The following SLC39A11 variants were observed in gnomAD, a reference collection of about 807,000 sequenced individuals.
The protein encoded by SLC39A11 is zinc transporter ZIP11.
In SLC39A11, 33 loss-of-function variants were observed where a neutral mutation model predicts 36.1. That is an observed-to-expected ratio of 0.91 (90% CI 0.69 to 1.22). The LOEUF (loss-of-function observed/expected upper bound fraction) is 1.22. Ranked by LOEUF, SLC39A11 falls within the 50% of genes most tolerant of loss-of-function variation. The pLI is 0.00. For missense variants in SLC39A11, 432 were observed against 430.3 expected, an observed-to-expected ratio of 1.00 and a Z score of -0.03; for synonymous variants, 166 against 170.3, an observed-to-expected ratio of 0.97 and a Z score of 0.20.
At chr17:72,677,451 C>T (rs537100428) in intron 7 of SLC39A11, among the ~76,000 whole-genome samples, 2 of 152,280 alleles carry the variant, frequency 1.3e-5, no homozygotes, top group East Asian at 3.9e-4. Context: ...GAACCCAGAT[C>T]TCCTTTAGGA....
intron 6 of SLC39A11, among the ~76,000 whole-genome samples, chr17:72,809,199 TTCTCTCTCTCTC>T (rs66472539): frequency 0.057 from 5,786 of 102,304 alleles, 163 homozygotes; most frequent in Non-Finnish European, 0.11. Flanking sequence ...TTTCTTTTCT[TTCTCTCTCTCTC>T]TCTCTCTCTC....
At chr17:72,741,573 A>C (rs1257870749) in intron 6 of SLC39A11, among the ~76,000 whole-genome samples, 1 of 152,220 alleles carries the variant, frequency 6.6e-6, no homozygotes, top group Non-Finnish European at 1.5e-5. Flanking sequence ...CCCGAGGCAA[A>C]GAATCACAGA....
chr17:72,890,358 T>C (rs190285782), intron 5 of SLC39A11, among the ~76,000 whole-genome samples: 256 of 150,876 alleles, frequency 1.7e-3, no homozygotes, highest in African/African-American at 5.8e-3. Flanking sequence ...AAGTTATAAC[T>C]AGGGATTCAA....
At chr17:72,806,773 G>A (rs995012553) in intron 6 of SLC39A11, among the ~76,000 whole-genome samples, 1 of 152,146 alleles carries the variant, frequency 6.6e-6, no homozygotes, top group Non-Finnish European at 1.5e-5. Context: ...AGTAGAGACG[G>A]GGTTGTGCCA....
intron 5 of SLC39A11, among the ~76,000 whole-genome samples, chr17:72,884,595 G>A (rs1284459623): frequency 6.6e-6 from 1 of 152,196 alleles, no homozygotes; most frequent in Non-Finnish European, 1.5e-5. Flanking sequence ...AAACTATCAT[G>A]TTCAGTATCT....
intron 3 of SLC39A11, among the ~76,000 whole-genome samples, chr17:73,076,924 T>C (rs1009919521): frequency 2.6e-5 from 4 of 151,906 alleles, no homozygotes; most frequent in Admixed American, 2.6e-4. Flanking sequence ...GAGAGTCCTT[T>C]GTAGTTGTGA....
At chr17:73,049,830 A>G (rs2059434746) in intron 3 of SLC39A11, among the ~76,000 whole-genome samples, 1 of 152,178 alleles carries the variant, frequency 6.6e-6, no homozygotes, top group African/African-American at 2.4e-5. Flanking sequence ...CATGAAGGAA[A>G]TGAAATGAGG....
chr17:72,911,605 G>A (rs1454931485), intron 5 of SLC39A11, among the ~76,000 whole-genome samples: 1 of 151,942 alleles, frequency 6.6e-6, no homozygotes, highest in Non-Finnish European at 1.5e-5. Flanking sequence ...CCTAGGAGAG[G>A]CAGTCTGATT....
chr17:72,940,073 C>T (rs868403083), intron 5 of SLC39A11, among the ~76,000 whole-genome samples: 8 of 152,120 alleles, frequency 5.3e-5, no homozygotes, highest in Admixed American at 2.6e-4. Context: ...GTTGTGACAG[C>T]AACAGGAAAC....
Position 72,990,680 on chromosome 17 carries a change from G to A in SLC39A11, c.306+40876C>T, listed in dbSNP as rs563493921. ...TGACCTCAAGTGATTCACCTACCTC[G>A]GCCTCCCAAAGTGCTGGGATTACAG... is the stretch of plus-strand genomic sequence containing the variant. On this transcript the variant is annotated intron_variant, in intron 4 of 9. Coordinates refer to ENST00000255559, the MANE Select transcript of SLC39A11 (RefSeq NM_139177.4). 1.4e-3 allele frequency among the ~76,000 whole-genome samples: 206 copies of A among 152,144 alleles called. 6 individuals are homozygous for A. The South Asian group carries it at 0.039, about 29-fold the overall frequency.
At chr17:72,987,149 T>C (rs532545292) in intron 4 of SLC39A11, among the ~76,000 whole-genome samples, 1 of 152,290 alleles carries the variant, frequency 6.6e-6, no homozygotes, top group South Asian at 2.1e-4. Context: ...GCTAGTTCTT[T>C]TGCTCCTTCG....
At chr17:72,979,784 T>C (rs1172448387) in intron 4 of SLC39A11, among the ~76,000 whole-genome samples, 1 of 152,148 alleles carries the variant, frequency 6.6e-6, no homozygotes, top group African/African-American at 2.4e-5. Context: ...AGACCTCAGA[T>C]GATGCAGCTG....
chr17:73,013,315 T>C (rs957488989), intron 4 of SLC39A11, among the ~76,000 whole-genome samples: 1 of 24,044 alleles, frequency 4.2e-5, no homozygotes, highest in African/African-American at 4.5e-5. Flanking sequence ...CTCGAACTCC[T>C]GACCTCCGGC....
In SLC39A11 at chr17:72,698,931, C is replaced by T. The variant is rs1019486367; in HGVS notation, c.671+37719G>A. Among the ~76,000 whole-genome samples the T allele has an allele frequency of 3.9e-5, 6 of 152,200 alleles. No individual in the cohort carries two copies. In the South Asian group the frequency reaches 6.2e-4, roughly 16 times the overall value. On this transcript the variant is annotated intron_variant, in intron 7 of 9. Transcript: ENST00000255559. Reference sequence around the variant, plus strand: ...CTGCAAGCTCTGCTTCCTGGGTTCACGCCATTCTCCTGCCTCAGCCTCCCG... The same window carrying T: ...CTGCAAGCTCTGCTTCCTGGGTTCATGCCATTCTCCTGCCTCAGCCTCCCG...
At chr17:72,863,411 C>G (rs2080142770) in intron 5 of SLC39A11, among the ~76,000 whole-genome samples, 1 of 152,080 alleles carries the variant, frequency 6.6e-6, no homozygotes, top group Non-Finnish European at 1.5e-5. Flanking sequence ...AAGGGAAACC[C>G]AAGGAGGGAC....
intron 6 of SLC39A11, among the ~76,000 whole-genome samples, chr17:72,811,494 T>TA (rs1218616664): frequency 2.8e-4 from 43 of 152,314 alleles, no homozygotes; most frequent in African/African-American, 1.0e-3. Flanking sequence ...GAAATCCACC[T>TA]GGATCTCAGA....
At chr17:73,043,576 C>T (rs1414498202) in intron 3 of SLC39A11, among the ~76,000 whole-genome samples, 2 of 152,098 alleles carry the variant, frequency 1.3e-5, no homozygotes, top group African/African-American at 4.8e-5. Flanking sequence ...GGCAGGGTAA[C>T]GGAGGCATTT....
At chr17:73,077,208 C>T (rs2060351617) in intron 3 of SLC39A11, among the ~76,000 whole-genome samples, 1 of 152,122 alleles carries the variant, frequency 6.6e-6, no homozygotes, top group Admixed American at 6.5e-5. Context: ...TGTTAAAATC[C>T]CCTGGGTTTG....
chr17:73,067,850 T>C (rs976530313), intron 3 of SLC39A11: 7 of 1,600,334 alleles, frequency 4.4e-6, no homozygotes, highest in Middle Eastern at 2.2e-4. Context: ...ATGTAGCAAG[T>C]TGATTTTCTT....
Sources: allele counts gnomAD v4.1 joint callset (sites outside exome capture counted in the v4.1 genomes callset), GRCh38; gene constraint gnomAD v4.1.1; transcripts MANE v1.5; gene names NCBI Gene and HGNC (gene_info 2026-07-23, HGNC 2026-07-21).